The following MFRP variants were observed in gnomAD, a reference collection of about 807,000 sequenced individuals.
The protein encoded by MFRP is membrane frizzled-related protein.
A neutral mutation model predicts 65.8 loss-of-function variants in MFRP; 74 were observed. The observed-to-expected ratio is 1.12, with a 90% confidence interval of 0.93 to 1.36. The LOEUF is 1.36. MFRP is among the 40% of genes most tolerant of loss of function. The probability of loss-of-function intolerance (pLI) is 0.00; values close to 1 mark genes in which losing one functional copy is unlikely to be tolerated. For missense variants in MFRP, 838 were observed against 736.0 expected (o/e 1.14, Z -1.60); for synonymous variants, 336 against 288.3 (o/e 1.17, Z -1.68).
intron 1 of MFRP, 33 bp downstream of exon 1, chr11:119,346,427 G>T: frequency 6.2e-7 from 1 of 1,613,680 alleles, no homozygotes; most frequent in South Asian, 1.1e-5. Context: ...ACTGGTGCTG[G>T]GTCTTAGGAG....
rs1481398565 is a variant in MFRP at position 119,341,176 on chromosome 11, A to T, written c.*372T>A. 6 of 295,136 alleles carry T rather than the reference A, an allele frequency of 2.0e-5. No homozygotes were observed. Among genetic ancestry groups the T allele is most frequent in the African/African-American group, 1.3e-4 (6 of 46,148 alleles). 18.3% of individuals were successfully genotyped at this position (295,136 alleles called of 1,614,324 possible). A position where few individuals can be genotyped will look rare whatever the true frequency, so the allele number is the denominator to read the frequency against. ...GCCAGTTGGATCCCTAGGGCCTAGG[A>T]CAGGGGCCTGCCACATGAATAGATG... On this transcript the variant is annotated 3_prime_UTR_variant, in exon 13 of 15. Coordinates refer to ENST00000619721, the MANE Select transcript of MFRP (RefSeq NM_031433.4).
intron 8 of MFRP, 89 bp downstream of exon 8, chr11:119,344,226 T>C: frequency 1.6e-6 from 2 of 1,258,122 alleles, no homozygotes; most frequent in South Asian, 2.4e-5. Flanking sequence ...TAGAAGGTAG[T>C]GTCTACCATG....
Position 119,339,813 on chromosome 11 carries a change from C to T in MFRP, c.*1146G>A. On this transcript the variant is annotated 3_prime_UTR_variant, in exon 15 of 15. Coordinates refer to ENST00000619721, the MANE Select transcript of MFRP (RefSeq NM_031433.4). This position sits in a 1 kb window ranked among gnomAD's most constrained non-coding sequence, Gnocchi z 5.4. ...GTGGGCCCCGCGGGTCCCGCCTCTC[C>T]TCGCGGCCCGGGGTCCCCTCGAGGT... The T allele has an allele frequency of 1.3e-6, 2 of 1,521,904 alleles. No individual in the cohort carries two copies. Among genetic ancestry groups the T allele is most frequent in the Non-Finnish European group, 1.8e-6 (2 of 1,140,872 alleles). 94.3% of individuals were successfully genotyped at this position (1,521,904 alleles called of 1,614,324 possible).
Position 119,341,511 on chromosome 11 carries a change from A to G in MFRP, c.*37T>C, listed in dbSNP as rs1445417092. 2 of 1,562,004 alleles carry G rather than the reference A, an allele frequency of 1.3e-6. No homozygotes were observed. The highest frequency in any genetic ancestry group is 1.8e-6 in the Non-Finnish European group (2 of 1,137,712). ...GCGTGCCAGCCCTGACCGGCAAAAG[A>G]GGACGGGCAGGAAGAGGGCAGGGGC... On this transcript the variant is annotated 3_prime_UTR_variant, in exon 13 of 15. Transcript: ENST00000619721.
At chr11:119,345,082 G>T in intron 5 of MFRP, 78 bp from the exon 6 acceptor site, 1 of 1,540,442 alleles carries the variant, frequency 6.5e-7, no homozygotes, top group Non-Finnish European at 8.8e-7. Flanking sequence ...GGGCCTTGCA[G>T]TCCTATTTTC....
At chr11:119,345,059 G>A in intron 5 of MFRP, 55 bp from the exon 6 acceptor site, 1 of 1,577,024 alleles carries the variant, frequency 6.3e-7, no homozygotes, top group South Asian at 1.2e-5. Context: ...GTCAGCCAGA[G>A]AGGAGCTTGC....
chr11:119,340,583 C>T (rs575618437), intron 13 of MFRP, 112 bp downstream of exon 13: 4 of 620,814 alleles, frequency 6.4e-6, no homozygotes, highest in African/African-American at 2.0e-5. Context: ...CCGGAGAGCA[C>T]AGGCAGGCGC....
rs139821533 is a variant in MFRP at position 119,346,570 on chromosome 11, G to A, written c.-57C>T. The A allele has an allele frequency of 3.9e-3, 6,115 of 1,577,492 alleles. 18 individuals are homozygous for A. Among genetic ancestry groups the A allele is most frequent in the Non-Finnish European group, 4.8e-3 (5,518 of 1,147,970 alleles). On this transcript the variant is annotated 5_prime_UTR_variant, in exon 1 of 15. Transcript: ENST00000619721. ...CCTGTGACAGCCCAAGACCCCCAAGGGCCCACTCGCTGACCACAAACTCCC... is the reference window on the plus strand; with the variant it reads ...CCTGTGACAGCCCAAGACCCCCAAGAGCCCACTCGCTGACCACAAACTCCC...
At chr11:119,344,041 C>T in intron 8 of MFRP, 77 bp from the exon 9 acceptor site, 2 of 1,583,882 alleles carry the variant, frequency 1.3e-6, no homozygotes, top group Non-Finnish European at 1.7e-6. Context: ...GGTCTTCTTC[C>T]CCCACTGCTG....
At chr11:119,342,450 G>A in intron 11 of MFRP, 146 bp downstream of exon 11, 1 of 1,028,672 alleles carries the variant, frequency 9.7e-7, no homozygotes, top group South Asian at 1.6e-5. Flanking sequence ...CCAGGACTCT[G>A]TGAAGTGGTC....
chr11:119,345,591 C>G lies in MFRP; in HGVS notation c.470G>C (p.Ser157Thr). The change falls in exon 5 of 15, where the codon AGC (serine) becomes ACC (threonine). Residue 157 changes from serine to threonine, a missense_variant. Ser to Thr is a moderately conservative substitution (Grantham distance 58). Transcript: ENST00000619721. Reference protein sequence around the residue: ...LLSGPRGFFSSPNYPDPYPPN... With the variant: ...LLSGPRGFFSTPNYPDPYPPN... ...GGGGTAAGGGTCTGGGTAGTTAGGG[C>G]TGCTGAAGAAGCCCCTTGGGCCAGA... 6.2e-7 allele frequency: 1 copy of G among 1,613,826 alleles called. No homozygotes were observed. The highest frequency in any genetic ancestry group is 2.2e-5 in the East Asian group (1 of 44,862).
Position 119,344,358 on chromosome 11 carries a change from GTGC to G in MFRP, c.929_931del (p.Gly310_Thr311delinsAla). 1 of 1,614,040 alleles carries G rather than the reference GTGC, an allele frequency of 6.2e-7. No individual in the cohort carries two copies. Among genetic ancestry groups the G allele is most frequent in the Non-Finnish European group, 8.5e-7 (1 of 1,180,008 alleles). ...CTGCAGGTAGCTGGGAGTAGAGAAA[GTGC>G]CCTGGAGGCCAGTCAGATTCCCCCC... is the stretch of plus-strand genomic sequence containing the variant. On this transcript the variant is annotated inframe_deletion, in exon 8 of 15. Coordinates refer to ENST00000619721, the MANE Select transcript of MFRP (RefSeq NM_031433.4).
At position 119,345,523 on chromosome 11, in the gene MFRP, G is replaced by T; in HGVS notation, c.538C>A (p.His180Asn). 1 of 1,614,052 alleles carries T rather than the reference G, an allele frequency of 6.2e-7. No homozygotes were observed. ...GCTTCGATCTTGAGCTGTATTGCATGGTCTGTGGCCACCTGGATATGCCAC... is the reference window on the plus strand; with the variant it reads ...GCTTCGATCTTGAGCTGTATTGCATTGTCTGTGGCCACCTGGATATGCCAC... ...CVWHIQVATD[H>N]AIQLKIEALS... Residue 180 changes from histidine (H) to asparagine (N), a missense_variant, in exon 5 of 15, where the codon CAT (histidine) becomes AAT (asparagine). His to Asn is a moderately conservative substitution (Grantham distance 68, BLOSUM62 1). Transcript: ENST00000619721.
At position 119,346,039 on chromosome 11, in the gene MFRP, T is replaced by C; in HGVS notation, c.271+7A>G. ...GCCCTCGTTTCAAGCTGTCCCCGGG[T>C]ACTTACGGGCCAGGATGATGGCCAC... On this transcript the variant is annotated splice_region_variant and intron_variant, in intron 3 of 14. Transcript: ENST00000619721. 1 of 1,611,174 alleles carries C rather than the reference T, an allele frequency of 6.2e-7. No homozygotes were observed. The highest frequency in any genetic ancestry group is 8.5e-7 in the Non-Finnish European group (1 of 1,178,922).
rs1950519788 is a variant in MFRP, at chr11:119,343,058, C to T, written c.1125-55G>A. On this transcript the variant is annotated intron_variant, in intron 9 of 14. Coordinates refer to ENST00000619721, the MANE Select transcript of MFRP (RefSeq NM_031433.4). ...CCAGCCCTGGCTGACTGAGGGGGCA[C>T]TGCAGCCTCCCACAGGCCTGGCTCT... The T allele has an allele frequency of 1.2e-5, 18 of 1,552,254 alleles. 1 individual carries two copies. In the East Asian group the frequency reaches 1.2e-4, roughly 10 times the overall value.
In MFRP at chr11:119,344,088, T is replaced by C. The variant is rs948414; in HGVS notation, c.976-124A>G. 0.62 allele frequency: 795,190 copies of C among 1,292,110 alleles called. 247,343 individuals are homozygous for C. Among genetic ancestry groups the C allele is most frequent in the Admixed American group, 0.75 (40,053 of 53,496 alleles). The allele number at this position is 1,292,110 out of a possible 1,614,324, so 80.0% of individuals were successfully genotyped here. On this transcript the variant is annotated intron_variant, in intron 8 of 14. Transcript: ENST00000619721. ...GGGGTGGTGCTTTCATCATTGGTGG[T>C]TCTTAAGGACCTTTAATTTACCTGG...
rs200291895 is a variant in MFRP at position 119,345,609 on chromosome 11, G to T, written c.452C>A (p.Pro151Gln). 1.5e-5 allele frequency: 24 copies of T among 1,613,624 alleles called. No homozygotes were observed. The highest frequency in any genetic ancestry group is 8.5e-7 in the Non-Finnish European group (1 of 1,179,964). ...QSTCGGLLSGPRGFFSSPNYP... is the reference protein window; with the variant it reads ...QSTCGGLLSGQRGFFSSPNYP... ...GTTAGGGCTGCTGAAGAAGCCCCTTGGGCCAGAGAGGAGGCCTCCACAGGC... is the reference window on the plus strand; with the variant it reads ...GTTAGGGCTGCTGAAGAAGCCCCTTTGGCCAGAGAGGAGGCCTCCACAGGC... The change falls in exon 5 of 15, where the codon CCA (proline) becomes CAA (glutamine). Residue 151 changes from proline to glutamine, a missense_variant. Physicochemically the swap from Pro to Gln is moderately conservative, Grantham distance 76. Transcript: ENST00000619721.
rs114660886 is a variant in MFRP at position 119,344,805 on chromosome 11, T to C, written c.773-48A>G. 1.9e-3 allele frequency: 3,116 copies of C among 1,613,630 alleles called. 55 individuals are homozygous for C. The African/African-American group carries it at 0.036, about 19-fold the overall frequency. On this transcript the variant is annotated intron_variant, in intron 6 of 14. Coordinates refer to ENST00000619721, the MANE Select transcript of MFRP (RefSeq NM_031433.4). ...AGGGAGGCCCGGAGTCTCCACCCCT[T>C]TGACAGGACTGGGAGTGGGTGGAGG...
At chr11:119,343,795 G>T (rs761916323) in intron 9 of MFRP, 21 bp downstream of exon 9, 26 of 1,613,580 alleles carry the variant, frequency 1.6e-5, no homozygotes, top group Middle Eastern at 1.6e-4. Flanking sequence ...GTTATCCATG[G>T]CTCTTCCCTG....
Sources: allele counts gnomAD v4.1 joint callset, GRCh38; gene constraint gnomAD v4.1.1; non-coding constraint Gnocchi (gnomAD v3.1); transcripts MANE v1.5; gene names NCBI Gene and HGNC (gene_info 2026-07-23, HGNC 2026-07-21).